Variants in GRK3 observed in about 807,000 individuals in gnomAD.
The protein encoded by GRK3 is G protein-coupled receptor kinase 3.
GRK3 carries 54 observed loss-of-function variants against 95.7 expected under a neutral mutation model. That is an observed-to-expected ratio of 0.56 (90% CI 0.45 to 0.71). The LOEUF is 0.71. Among genes scored for constraint, GRK3 ranks in the 30% least tolerant of loss-of-function variants. The pLI, the probability that GRK3 is intolerant of heterozygous loss-of-function variation, is 0.00. For missense variants in GRK3, 649 were observed against 851.2 expected (o/e 0.76, Z 2.96); for synonymous variants, 281 against 290.8 (o/e 0.97, Z 0.34).
At chr22:25,614,352 T>C (rs1020161603) in intron 2 of GRK3, among the ~76,000 whole-genome samples, 13 of 152,254 alleles carry the variant, frequency 8.5e-5, no homozygotes, top group African/African-American at 3.1e-4. Context: ...CAGGCTGATC[T>C]TGGACTCCTG....
intron 2 of GRK3, among the ~76,000 whole-genome samples, chr22:25,638,187 A>G (rs111858885): frequency 1.8e-4 from 27 of 152,348 alleles, no homozygotes; most frequent in African/African-American, 6.0e-4. Context: ...TGGAAGATGC[A>G]TTGACTCTTT....
At chr22:25,574,340 G>A (rs575407055) in intron 1 of GRK3, among the ~76,000 whole-genome samples, 2 of 152,154 alleles carry the variant, frequency 1.3e-5, no homozygotes, top group South Asian at 4.2e-4. Flanking sequence ...CAGAAAATTA[G>A]CCAGACATAG....
intron 1 of GRK3, among the ~76,000 whole-genome samples, chr22:25,593,385 A>T (rs750917184): frequency 1.3e-5 from 2 of 151,558 alleles, no homozygotes; most frequent in Admixed American, 6.6e-5. Context: ...TCTTTTTTTA[A>T]ATAATAGCCA....
chr22:25,664,772 G>A (rs1052444697), intron 5 of GRK3, among the ~76,000 whole-genome samples: 1 of 152,090 alleles, frequency 6.6e-6, no homozygotes, highest in East Asian at 1.9e-4. Context: ...GCCCGCCTCG[G>A]CCTCCCAAAG....
intron 1 of GRK3, among the ~76,000 whole-genome samples, chr22:25,585,763 A>C (rs1237760768): frequency 6.6e-6 from 1 of 152,274 alleles, no homozygotes; most frequent in Non-Finnish European, 1.5e-5. Context: ...GCCAAAACGT[A>C]TTCCAGTGAT....
rs541101020 is a variant in GRK3 at position 25,725,626 on chromosome 22, C to T, written c.*3176C>T. 1.4e-4 allele frequency: 55 copies of T among 398,498 alleles called. No individual in the cohort carries two copies. The highest frequency in any genetic ancestry group is 1.8e-4 in the Non-Finnish European group (40 of 226,064). The allele number at this position is 398,498 out of a possible 1,614,324, so 24.7% of individuals were successfully genotyped here. ...TGCCTCTGATTGGTCCATTCACTGACGTGACAATTTCAGGTCCTATGTTTA... is the reference window on the plus strand; with the variant it reads ...TGCCTCTGATTGGTCCATTCACTGATGTGACAATTTCAGGTCCTATGTTTA... On this transcript the variant is annotated 3_prime_UTR_variant, in exon 21 of 21. Transcript: ENST00000324198.
At chr22:25,605,115 T>G (rs1482070514) in intron 2 of GRK3, among the ~76,000 whole-genome samples, 3 of 152,236 alleles carry the variant, frequency 2.0e-5, no homozygotes, top group East Asian at 3.8e-4. Context: ...GTAAACCACT[T>G]TATCTGTTTT....
Position 25,722,305 on chromosome 22 carries a change from T to C in GRK3, c.1922T>C (p.Val641Ala). 6.2e-7 allele frequency: 1 copy of C among 1,614,158 alleles called. No homozygotes were observed. The highest frequency in any genetic ancestry group is 8.5e-7 in the Non-Finnish European group (1 of 1,180,024). ...CCCCCTCAGAGTGATCCAGAGTTTG[T>C]GCAGTGGAAGAAAGAGTTGAACGAA... Reference protein sequence around the residue: ...VLQCESDPEFVQWKKELNETF... With the variant: ...VLQCESDPEFAQWKKELNETF... Residue 641 changes from valine to alanine, a missense_variant, in exon 21 of 21, where the codon GTG becomes GCG. Coordinates refer to ENST00000324198, the MANE Select transcript of GRK3 (RefSeq NM_005160.4).
intron 9 of GRK3, among the ~76,000 whole-genome samples, chr22:25,681,251 A>G (rs971216370): frequency 6.6e-6 from 1 of 152,150 alleles, no homozygotes; most frequent in Admixed American, 6.5e-5. Context: ...GTTCTCATAC[A>G]GCTGCATGGA....
chr22:25,666,575 C>T (rs966710488), intron 5 of GRK3, among the ~76,000 whole-genome samples: 2 of 152,082 alleles, frequency 1.3e-5, no homozygotes. Context: ...TGGCTCACCC[C>T]CCACCACCGC....
intron 2 of GRK3, among the ~76,000 whole-genome samples, chr22:25,629,136 G>A (rs1335376760): frequency 2.0e-5 from 3 of 152,170 alleles, no homozygotes; most frequent in Non-Finnish European, 4.4e-5. Flanking sequence ...CCAGTGCTGT[G>A]GGGGCATAGA....
At chr22:25,624,352 A>G (rs916007007) in intron 2 of GRK3, among the ~76,000 whole-genome samples, 3 of 152,172 alleles carry the variant, frequency 2.0e-5, no homozygotes, top group African/African-American at 7.2e-5. Flanking sequence ...TCACGAGGTC[A>G]GGAGATCGAG....
In GRK3 at chr22:25,564,908, G is replaced by A. The variant is rs111767462; in HGVS notation, c.-133G>A. 1 of 145,346 alleles carries A rather than the reference G, an allele frequency of 6.9e-6. No individual in the cohort carries two copies. The highest frequency in any genetic ancestry group is 1.5e-5 in the Non-Finnish European group (1 of 66,886). The allele number at this position is 145,346 out of a possible 1,614,324, so 9.0% of individuals were successfully genotyped here. A position where few individuals can be genotyped will look rare whatever the true frequency, so the allele number is the denominator to read the frequency against. ...AGTGGGGCGCGCGGCGCGCGCGCGG[G>A]GCGGGGGCGCGCGGAGGGGGGGGCT... On this transcript the variant is annotated 5_prime_UTR_variant, in exon 1 of 21. Coordinates refer to ENST00000324198, the MANE Select transcript of GRK3 (RefSeq NM_005160.4).
intron 3 of GRK3, among the ~76,000 whole-genome samples, chr22:25,658,049 T>C (rs1331228611): frequency 6.6e-6 from 1 of 152,222 alleles, no homozygotes; most frequent in Non-Finnish European, 1.5e-5. Context: ...TATTTTCTGC[T>C]GCTATTTCCT....
At chr22:25,623,644 G>A (rs1388380421) in intron 2 of GRK3, among the ~76,000 whole-genome samples, 1 of 152,114 alleles carries the variant, frequency 6.6e-6, no homozygotes, top group Admixed American at 6.5e-5. Context: ...CTGTATTCAT[G>A]CACACGCACA....
chr22:25,694,625 C>T (rs918561629), intron 12 of GRK3, among the ~76,000 whole-genome samples: 2 of 152,154 alleles, frequency 1.3e-5, no homozygotes, highest in African/African-American at 2.4e-5. Flanking sequence ...GTGACCATGA[C>T]CAAGCCGATG....
chr22:25,683,737 A>AT (rs2085092355), intron 9 of GRK3, among the ~76,000 whole-genome samples: 1 of 151,778 alleles, frequency 6.6e-6, no homozygotes, highest in East Asian at 1.9e-4. Context: ...TTTTAAGTTG[A>AT]TTTTTTAAAG....
intron 1 of GRK3, among the ~76,000 whole-genome samples, chr22:25,602,652 A>G (rs578123478): frequency 2.6e-5 from 4 of 152,366 alleles, no homozygotes; most frequent in South Asian, 4.1e-4. Context: ...ACTTATGCAC[A>G]TAGCAATATG....
chr22:25,695,563 T>A (rs958668405), intron 13 of GRK3, among the ~76,000 whole-genome samples: 1 of 152,196 alleles, frequency 6.6e-6, no homozygotes, highest in Non-Finnish European at 1.5e-5. Flanking sequence ...AATGATTTTT[T>A]CCCTAGAAAT....
Sources: gnomAD v4.1 joint callset for allele counts (sites outside exome capture counted in the v4.1 genomes callset) on GRCh38, gnomAD v4.1.1 for gene constraint, MANE v1.5 for transcripts, NCBI Gene and HGNC (gene_info 2026-07-23, HGNC 2026-07-21) for gene names.